The following TBC1D24 variants were observed in gnomAD, a reference collection of about 807,000 sequenced individuals.
The protein encoded by TBC1D24 is TBC1 domain family member 24.
Under a neutral mutation model 50.7 loss-of-function variants are expected in TBC1D24, and 47 were observed. That is an observed-to-expected ratio of 0.93 (90% CI 0.73 to 1.18). TBC1D24 has a LOEUF of 1.18. Among genes scored for constraint, TBC1D24 ranks in the 50% most tolerant of loss-of-function variants. TBC1D24 has a pLI of 0.00. For missense variants in TBC1D24, 688 were observed against 766.5 expected (o/e 0.90, Z 1.21); for synonymous variants, 324 against 335.2 (o/e 0.97, Z 0.36).
Position 2,496,590 on chromosome 16 carries a change from G to T in TBC1D24, c.442G>T (p.Glu148Ter), listed in dbSNP as rs763626059. 1.7e-5 allele frequency: 28 copies of T among 1,609,750 alleles called. No individual in the cohort carries two copies. The highest frequency in any genetic ancestry group is 2.2e-5 in the Non-Finnish European group (26 of 1,180,016). The change falls in exon 2 of 8, where the codon GAG (glutamate) becomes TAG (stop). Residue 148 changes from glutamate (E) to a stop codon, truncating the protein, a stop_gained. Coordinates refer to ENST00000646147, the MANE Select transcript of TBC1D24 (RefSeq NM_001199107.2). LOFTEE classifies it high-confidence loss of function. ...CCTGCTGCTGCACTACAGCATCGAC[G>T]AGGCCGAGTGCTTCGAGAAGGCCTG... Reference protein sequence around the residue: ...VALLLHYSIDEAECFEKACRI... With the variant: ...VALLLHYSID
In TBC1D24 at chr16:2,496,564, C is replaced by A. The variant is rs1330135125; in HGVS notation, c.416C>A (p.Ala139Asp). ...SFCPALPAVV[A>D]LLLHYSIDEA... ...TGCCCCGCCCTGCCGGCCGTGGTGG[C>A]CCTGCTGCTGCACTACAGCATCGAC... The change falls in exon 2 of 8, where the codon GCC (alanine) becomes GAC (aspartate). Residue 139 changes from alanine to aspartate, a missense_variant. Physicochemically the swap from Ala to Asp is moderately radical, Grantham distance 126 (BLOSUM62 -2). Coordinates refer to ENST00000646147, the MANE Select transcript of TBC1D24 (RefSeq NM_001199107.2). 1 of 1,608,740 alleles carries A rather than the reference C, an allele frequency of 6.2e-7. No individual in the cohort carries two copies. The highest frequency in any genetic ancestry group is 1.3e-5 in the African/African-American group (1 of 74,932).
chr16:2,475,311 C>T lies in TBC1D24; in HGVS notation c.-116+141C>T, dbSNP rs998279310. 4.0e-5 allele frequency: 6 copies of T among 150,710 alleles called. No individual in the cohort carries two copies. In the South Asian group the frequency reaches 1.0e-3, roughly 26 times the overall value. The allele number at this position is 150,710 out of a possible 1,614,324, so 9.3% of individuals were successfully genotyped here. A position where few individuals can be genotyped will look rare whatever the true frequency, so the allele number is the denominator to read the frequency against. On this transcript the variant is annotated intron_variant, in intron 1 of 7. Coordinates refer to ENST00000646147, the MANE Select transcript of TBC1D24 (RefSeq NM_001199107.2). This position sits in a 1 kb window ranked among gnomAD's most constrained non-coding sequence, Gnocchi z 4.2. The stretch of plus-strand genomic sequence containing the variant: ...GCGGGCCCCATTCGAGGCGGGGATC[C>T]CCGGCCACGCGCGGGTTGGGGGCTC...
Position 2,498,223 on chromosome 16 carries a change from G to GCT in TBC1D24, c.984-13_984-12dup. On this transcript the variant is annotated splice_polypyrimidine_tract_variant and intron_variant, in intron 3 of 7. Coordinates refer to ENST00000646147, the MANE Select transcript of TBC1D24 (RefSeq NM_001199107.2). Reference sequence around the variant, plus strand: ...GACGTGCCTTCGGGCTCTGACCCCTGCTCGCTCCCCTCAGGCAGTTTGTAC... The same window carrying GCT: ...GACGTGCCTTCGGGCTCTGACCCCTGCTCTCGCTCCCCTCAGGCAGTTTGTAC... The GCT allele has an allele frequency of 6.3e-7, 1 of 1,595,408 alleles. No homozygotes were observed. The highest frequency in any genetic ancestry group is 8.5e-7 in the Non-Finnish European group (1 of 1,170,408).
At position 2,496,469 on chromosome 16, in the gene TBC1D24, T is replaced by A. The variant is rs1057524192; in HGVS notation, c.321T>A (p.Asn107Lys). Residue 107 changes from asparagine to lysine, a missense_variant, in exon 2 of 8, where the codon AAT becomes AAA. Coordinates refer to ENST00000646147, the MANE Select transcript of TBC1D24 (RefSeq NM_001199107.2). The stretch of plus-strand genomic sequence containing the variant: ...CGCAGGTGCCCAGCTACTGCCTGAA[T>A]GCACGCGGCGAGGGGGCCGTGCGCA... ...DNTQVPSYCL[N>K]ARGEGAVRKI... 1 of 1,611,594 alleles carries A rather than the reference T, an allele frequency of 6.2e-7. No individual in the cohort carries two copies. The highest frequency in any genetic ancestry group is 2.2e-5 in the East Asian group (1 of 44,884).
chr16:2,488,783 G>A (rs1435309026), intron 1 of TBC1D24, among the ~76,000 whole-genome samples: 4 of 145,332 alleles, frequency 2.8e-5, no homozygotes, highest in African/African-American at 5.1e-5. Flanking sequence ...ATATTTGGCC[G>A]GGCGCGGTGG....
intron 3 of TBC1D24, among the ~76,000 whole-genome samples, 166 bp from the exon 4 acceptor site, chr16:2,498,072 T>C (rs529742878): frequency 1.3e-5 from 2 of 152,306 alleles, no homozygotes; most frequent in East Asian, 3.9e-4. Context: ...CCTGGGAACT[T>C]TCTCCCCGTT....
intron 2 of TBC1D24, 57 bp from the exon 3 acceptor site, chr16:2,497,651 CCT>C (rs2065755073): frequency 6.6e-7 from 1 of 1,511,090 alleles, no homozygotes; most frequent in African/African-American, 1.4e-5. Flanking sequence ...CTCACACTAA[CCT>C]CTCTTTGTCT....
At chr16:2,488,110 C>A (rs1372978318) in intron 1 of TBC1D24, among the ~76,000 whole-genome samples, 1 of 152,250 alleles carries the variant, frequency 6.6e-6, no homozygotes, top group East Asian at 1.9e-4. Flanking sequence ...GCTCAGGGTG[C>A]CACACTCTTG....
chr16:2,496,156 C>T lies in TBC1D24; in HGVS notation c.8C>T (p.Ser3Phe), dbSNP rs1489052458. Residue 3 changes from serine (S) to phenylalanine (F), a missense_variant, in exon 2 of 8, where the codon TCT (serine) becomes TTT (phenylalanine). Coordinates refer to ENST00000646147, the MANE Select transcript of TBC1D24 (RefSeq NM_001199107.2). ...CCCGAGCACAGCGGCGCTATGGACT[C>T]TCCAGGATACAACTGCTTCGTGGAC... is the stretch of plus-strand genomic sequence containing the variant. MD[S>F]PGYNCFVDKD... 6.2e-7 allele frequency: 1 copy of T among 1,613,892 alleles called. No individual in the cohort carries two copies. The highest frequency in any genetic ancestry group is 8.5e-7 in the Non-Finnish European group (1 of 1,180,042).
chr16:2,501,255 A>C lies in TBC1D24; in HGVS notation c.*297A>C. On this transcript the variant is annotated 3_prime_UTR_variant, in exon 8 of 8. Transcript: ENST00000646147. ...TCCTCCGTGGAGGCTTCCATAGCCC[A>C]AGGCCTTGGGAGTGTCTGGGTCTTG... The C allele has an allele frequency of 2.1e-6, 1 of 482,862 alleles. No individual in the cohort carries two copies. Among genetic ancestry groups the C allele is most frequent in the South Asian group, 2.2e-5 (1 of 45,740 alleles). 29.9% of individuals were successfully genotyped at this position (482,862 alleles called of 1,614,324 possible). A position where few individuals can be genotyped will look rare whatever the true frequency, so the allele number is the denominator to read the frequency against.
intron 1 of TBC1D24, among the ~76,000 whole-genome samples, chr16:2,488,353 G>A (rs2065667531): frequency 6.6e-6 from 1 of 152,170 alleles, no homozygotes; most frequent in South Asian, 2.1e-4. Flanking sequence ...GCCATTTAAA[G>A]GGCCCCTCCT....
At position 2,498,106 on chromosome 16, in the gene TBC1D24, A is replaced by T. The variant is rs1427363937; in HGVS notation, c.984-132A>T. 5 of 1,241,742 alleles carry T rather than the reference A, an allele frequency of 4.0e-6. No homozygotes were observed. The Admixed American group carries it at 8.5e-5, about 21-fold the overall frequency. The allele number at this position is 1,241,742 out of a possible 1,614,324, so 76.9% of individuals were successfully genotyped here. A position where few individuals can be genotyped will look rare whatever the true frequency, so the allele number is the denominator to read the frequency against. ...TTGGGCACCTAGAACCCGGCCCTAA[A>T]CCGGGGCCGGGGCAAGCAGGCGAGA... On this transcript the variant is annotated intron_variant, in intron 3 of 7. Coordinates refer to ENST00000646147, the MANE Select transcript of TBC1D24 (RefSeq NM_001199107.2).
Position 2,491,946 on chromosome 16 carries a change from G to A in TBC1D24, c.-115-4088G>A, listed in dbSNP as rs150243200. Among the ~76,000 whole-genome samples the A allele has an allele frequency of 6.3e-3, 962 of 151,900 alleles. 3 individuals carry two copies. Among genetic ancestry groups the A allele is most frequent in the Non-Finnish European group, 0.01 (690 of 67,956 alleles). On this transcript the variant is annotated intron_variant, in intron 1 of 7. Transcript: ENST00000646147. ...CTCCTGGGCTTGGCGTCCAAAGGTC[G>A]TCCCCGTTCAGCCTCCCAAATAGCT...
rs763148800 is a variant in TBC1D24 at position 2,499,741 on chromosome 16, C to T, written c.1207-94C>T. On this transcript the variant is annotated intron_variant, in intron 5 of 7. Transcript: ENST00000646147. This position sits in a 1 kb window ranked among gnomAD's most constrained non-coding sequence, Gnocchi z 4.0. Reference sequence around the variant, plus strand: ...TGGGAGACGGCAATGCCTGCACCCCCACCTGTGACCTGGGACAGGCCCGTC... The same window carrying T: ...TGGGAGACGGCAATGCCTGCACCCCTACCTGTGACCTGGGACAGGCCCGTC... 5 of 1,121,038 alleles carry T rather than the reference C, an allele frequency of 4.5e-6. No homozygotes were observed. The highest frequency in any genetic ancestry group is 3.1e-5 in the African/African-American group (2 of 65,198). The allele number at this position is 1,121,038 out of a possible 1,614,324, so 69.4% of individuals were successfully genotyped here.
rs1437087933 is a variant in TBC1D24 at position 2,500,340 on chromosome 16, A to T, written c.1375A>T (p.Met459Leu). The change falls in exon 7 of 8, where the codon ATG becomes TTG. Residue 459 changes from methionine (M) to leucine (L), a missense_variant. Transcript: ENST00000646147. The surrounding 1 kb of genome is among the most constrained non-coding windows in gnomAD (Gnocchi z 8.0). ...CGAGCTGACCAAGCCCCCACCCTTG[A>T]TGGCTGCCGAGCCCACCGCCCCACT... Reference protein sequence around the residue: ...HPELTKPPPLMAAEPTAPLSH... With the variant: ...HPELTKPPPLLAAEPTAPLSH... The T allele has an allele frequency of 6.2e-7, 1 of 1,610,824 alleles. No homozygotes were observed. Among genetic ancestry groups the T allele is most frequent in the Non-Finnish European group, 8.5e-7 (1 of 1,179,166 alleles).
In TBC1D24 at chr16:2,479,790, C is replaced by G. The variant is rs571358226; in HGVS notation, c.-116+4620C>G. 5 of 152,414 alleles carry G rather than the reference C, an allele frequency of 3.3e-5. No individual in the cohort carries two copies. The East Asian group carries it at 5.8e-4, about 18-fold the overall frequency. 9.4% of individuals were successfully genotyped at this position (152,414 alleles called of 1,614,324 possible). ...GCAGCCATGGCTTCCTGCAACCCTC[C>G]CCAGTGTGTTCCCTTCTTTTTTTCT... On this transcript the variant is annotated intron_variant, in intron 1 of 7. Coordinates refer to ENST00000646147, the MANE Select transcript of TBC1D24 (RefSeq NM_001199107.2).
chr16:2,488,126 C>T (rs539746580), intron 1 of TBC1D24, among the ~76,000 whole-genome samples: 6 of 152,372 alleles, frequency 3.9e-5, no homozygotes, highest in South Asian at 2.1e-4. Flanking sequence ...TCTTGACAGA[C>T]GGCCCGCCTC....
Position 2,498,431 on chromosome 16 carries a change from C to T in TBC1D24, c.1142+35C>T, listed in dbSNP as rs773880187. ...CAAGGGGCCAGAGCGGGCGGCAGAG[C>T]CGCCCAGCCACGTGTCCTGCCCACA... On this transcript the variant is annotated intron_variant, in intron 4 of 7. Coordinates refer to ENST00000646147, the MANE Select transcript of TBC1D24 (RefSeq NM_001199107.2). 1.5e-5 allele frequency: 24 copies of T among 1,572,972 alleles called. No homozygotes were observed. The South Asian group carries it at 2.5e-4, about 17-fold the overall frequency.
In TBC1D24 at chr16:2,496,974, A is replaced by G; in HGVS notation, c.826A>G (p.Ile276Val). 1 of 1,614,020 alleles carries G rather than the reference A, an allele frequency of 6.2e-7. No individual in the cohort carries two copies. The highest frequency in any genetic ancestry group is 1.7e-5 in the Admixed American group (1 of 60,034). The change falls in exon 2 of 8, where the codon ATC becomes GTC. Residue 276 changes from isoleucine to valine, a missense_variant. Ile to Val is a conservative substitution (Grantham distance 29, BLOSUM62 3). Coordinates refer to ENST00000646147, the MANE Select transcript of TBC1D24 (RefSeq NM_001199107.2). ...KQDIRTFVRD[I>V]AKTVSPEKLL... ...GGACATCCGCACGTTCGTCAGAGACATCGCGAAGACGGTGTCCCCTGAGAA... is the reference window on the plus strand; with the variant it reads ...GGACATCCGCACGTTCGTCAGAGACGTCGCGAAGACGGTGTCCCCTGAGAA...
Sources: gnomAD v4.1 joint callset for allele counts (sites outside exome capture counted in the v4.1 genomes callset) on GRCh38, gnomAD v4.1.1 for gene constraint, Gnocchi (gnomAD v3.1) non-coding constraint, MANE v1.5 for transcripts, NCBI Gene and HGNC (gene_info 2026-07-23, HGNC 2026-07-21) for gene names.